TRPM3: variants seen among roughly 807,000 people sequenced by gnomAD.
TRPM3 encodes the protein long transient receptor potential channel 3.
TRPM3 carries 77 observed loss-of-function variants against 181.2 expected under a neutral mutation model. That is an observed-to-expected ratio of 0.42 (90% CI 0.35 to 0.51). The LOEUF (loss-of-function observed/expected upper bound fraction) is 0.51. Ranked by LOEUF, TRPM3 falls within the 20% of genes least tolerant of loss-of-function variation. The pLI is 0.01. For synonymous variants in TRPM3, 745 were observed against 796.4 expected (o/e 0.94, Z 1.09); for missense variants, 1,759 against 2,196.7 (o/e 0.80, Z 3.98).
intron 22 of TRPM3, among the ~76,000 whole-genome samples, chr9:70,584,247 C>T (rs952498595): frequency 2.6e-5 from 4 of 152,102 alleles, no homozygotes; most frequent in Non-Finnish European, 4.4e-5. Flanking sequence ...TAATTAAAAT[C>T]CATCTTGCAG....
chr9:71,374,245 G>A (rs560914380), intron 1 of TRPM3, among the ~76,000 whole-genome samples: 50 of 152,032 alleles, frequency 3.3e-4, no homozygotes, highest in Middle Eastern at 3.4e-3. Flanking sequence ...GTGGTGGCAC[G>A]TGCCTGTAAT....
chr9:71,194,652 G>A (rs73647965), intron 1 of TRPM3, among the ~76,000 whole-genome samples: 2,555 of 152,008 alleles, frequency 0.017, 78 homozygotes, highest in African/African-American at 0.059. Flanking sequence ...TTCCTACTGC[G>A]TGAAATCACT....
chr9:71,318,407 C>A (rs1274576289), intron 1 of TRPM3, among the ~76,000 whole-genome samples: 2 of 152,046 alleles, frequency 1.3e-5, no homozygotes, highest in Non-Finnish European at 1.5e-5. Context: ...ACTTTTATTG[C>A]ACATAATTAA....
chr9:71,318,138 A>C (rs2088829146), intron 1 of TRPM3, among the ~76,000 whole-genome samples: 1 of 152,162 alleles, frequency 6.6e-6, no homozygotes, highest in South Asian at 2.1e-4. Context: ...TTTGTAAGTA[A>C]TATCTATTAA....
At chr9:71,364,560 A>G (rs1187957192) in intron 1 of TRPM3, among the ~76,000 whole-genome samples, 1 of 152,244 alleles carries the variant, frequency 6.6e-6, no homozygotes, top group Non-Finnish European at 1.5e-5. Flanking sequence ...ATGACTATAA[A>G]GAATCATAAA....
At chr9:70,903,325 T>C (rs2096412651) in intron 1 of TRPM3, among the ~76,000 whole-genome samples, 1 of 152,172 alleles carries the variant, frequency 6.6e-6, no homozygotes, top group Non-Finnish European at 1.5e-5. Flanking sequence ...GTTGGGACAT[T>C]AATACACAGA....
intron 1 of TRPM3, among the ~76,000 whole-genome samples, chr9:71,117,801 A>C (rs1283380569): frequency 1.3e-5 from 2 of 152,184 alleles, no homozygotes; most frequent in Non-Finnish European, 2.9e-5. Flanking sequence ...TAACACACTG[A>C]CTTAAATATC....
At chr9:70,761,822 C>T in intron 7 of TRPM3, 98 bp from the exon 8 acceptor site, 3 of 1,394,682 alleles carry the variant, frequency 2.2e-6, no homozygotes, top group Non-Finnish European at 2.9e-6. Flanking sequence ...TGAGGGTTTA[C>T]TTTAGATAGG....
At chr9:71,020,163 A>G (rs2097832224) in intron 1 of TRPM3, among the ~76,000 whole-genome samples, 1 of 151,952 alleles carries the variant, frequency 6.6e-6, no homozygotes, top group Non-Finnish European at 1.5e-5. Flanking sequence ...AAACCAAGCC[A>G]AAACAGAAAA....
In TRPM3 at chr9:70,833,784, A is replaced by C. The variant is rs535842662; in HGVS notation, c.802-5766T>G. On this transcript the variant is annotated intron_variant, in intron 5 of 25. Transcript: ENST00000677713. The stretch of plus-strand genomic sequence containing the variant: ...CAGGTTATTTCCAGATGAGCCATCT[A>C]GAACTGTATGTATACAGAGGTCAGG... Among the ~76,000 whole-genome samples the C allele has an allele frequency of 2.0e-5, 3 of 152,296 alleles. No homozygotes were observed. In the East Asian group the frequency reaches 5.8e-4, roughly 29 times the overall value.
At chr9:70,785,646 G>A (rs940435523) in intron 6 of TRPM3, among the ~76,000 whole-genome samples, 20 of 152,154 alleles carry the variant, frequency 1.3e-4, no homozygotes, top group African/African-American at 4.3e-4. Flanking sequence ...TCCCCGTAAT[G>A]AGTAATAGTT....
chr9:71,025,947 T>C (rs1450726969), intron 1 of TRPM3, among the ~76,000 whole-genome samples: 1 of 138,490 alleles, frequency 7.2e-6, no homozygotes, highest in Admixed American at 7.0e-5. Context: ...CCCCAGTGAC[T>C]ACTGCAGAAG....
intron 1 of TRPM3, among the ~76,000 whole-genome samples, chr9:71,239,325 C>CT (rs138156737): frequency 0.038 from 5,761 of 152,196 alleles, 136 homozygotes; most frequent in Non-Finnish European, 0.051. Flanking sequence ...CTTCCGAATT[C>CT]TTAAAAATAT....
intron 1 of TRPM3, among the ~76,000 whole-genome samples, chr9:71,345,298 T>C (rs1399336476): frequency 1.3e-5 from 2 of 152,202 alleles, no homozygotes; most frequent in East Asian, 1.9e-4. Flanking sequence ...CACGTATGTT[T>C]ACTGCAGCAC....
intron 1 of TRPM3, among the ~76,000 whole-genome samples, chr9:71,207,014 G>A (rs976126671): frequency 6.6e-6 from 1 of 152,072 alleles, no homozygotes; most frequent in African/African-American, 2.4e-5. Context: ...GGGTACAGAA[G>A]CTAAGCAAGG....
intron 1 of TRPM3, among the ~76,000 whole-genome samples, chr9:70,963,226 T>C (rs1349628207): frequency 6.6e-6 from 1 of 152,234 alleles, no homozygotes; most frequent in Non-Finnish European, 1.5e-5. Context: ...TCATCTTTTC[T>C]GGCAACTGGC....
intron 9 of TRPM3, among the ~76,000 whole-genome samples, chr9:70,673,949 C>A (rs1373285846): frequency 0.012 from 1,072 of 89,540 alleles, no homozygotes; most frequent in Middle Eastern, 0.033. Context: ...AACTCCATCT[C>A]AAAAAAAAAA....
intron 1 of TRPM3, among the ~76,000 whole-genome samples, chr9:71,293,237 AC>A (rs2085972816): frequency 6.6e-6 from 1 of 151,812 alleles, no homozygotes; most frequent in Non-Finnish European, 1.5e-5. Flanking sequence ...GAAATGACAC[AC>A]AGAAAATGCC....
chr9:71,168,743 C>T (rs1285503964), intron 1 of TRPM3, among the ~76,000 whole-genome samples: 1 of 149,398 alleles, frequency 6.7e-6, no homozygotes, highest in Non-Finnish European at 1.5e-5. Context: ...ATTTTAATAA[C>T]ATTATTATTT....
Sources: allele counts gnomAD v4.1 joint callset (sites outside exome capture counted in the v4.1 genomes callset), GRCh38; gene constraint gnomAD v4.1.1; transcripts MANE v1.5; gene names NCBI Gene and HGNC (gene_info 2026-07-23, HGNC 2026-07-21).